MLX: variants seen among roughly 807,000 people sequenced by gnomAD.
MLX encodes max-like protein X.
MLX carries 15 observed loss-of-function variants against 33.0 expected under a neutral mutation model. The ratio of observed to expected loss-of-function variants is 0.45; its 90% CI spans 0.30 to 0.70. The LOEUF (loss-of-function observed/expected upper bound fraction) is 0.70, where lower values mean the gene tolerates loss of function less well. Among genes scored for constraint, MLX ranks in the 30% least tolerant of loss-of-function variants. The pLI, the probability that MLX is intolerant of heterozygous loss-of-function variation, is 0.07. For missense variants in MLX, 285 were observed against 306.3 expected, an observed-to-expected ratio of 0.93 and a Z score of 0.52; for synonymous variants, 115 against 115.6, an observed-to-expected ratio of 0.99 and a Z score of 0.03.
At position 42,567,102 on chromosome 17, in the gene MLX, G is replaced by C; in HGVS notation, c.-23G>C. 8.1e-7 allele frequency: 1 copy of C among 1,240,244 alleles called. No homozygotes were observed. Among genetic ancestry groups the C allele is most frequent in the South Asian group, 3.9e-5 (1 of 25,622 alleles). The allele number at this position is 1,240,244 out of a possible 1,614,324, so 76.8% of individuals were successfully genotyped here. On this transcript the variant is annotated 5_prime_UTR_variant, in exon 1 of 8. Coordinates refer to ENST00000435881, the MANE Select transcript of MLX (RefSeq NM_198204.2). ...CCGCAGGGGGCCCGCCCGCTGGCCC[G>C]TTTCCGGTCCGGTGGGTACAAGATG...
At position 42,573,110 on chromosome 17, in the gene MLX, G is replaced by T. The variant is rs1391331865; in HGVS notation, c.*1507G>T. On this transcript the variant is annotated 3_prime_UTR_variant, in exon 8 of 8. Coordinates refer to ENST00000435881, the MANE Select transcript of MLX (RefSeq NM_198204.2). ...GAAGGAAGAGAGCTCCACTTACAAAGAACTGCTTCTTGCTCTTGGGGTATC... is the reference window on the plus strand; with the variant it reads ...GAAGGAAGAGAGCTCCACTTACAAATAACTGCTTCTTGCTCTTGGGGTATC... The T allele has an allele frequency of 1.2e-6, 2 of 1,614,242 alleles. No homozygotes were observed. Among genetic ancestry groups the T allele is most frequent in the Non-Finnish European group, 1.7e-6 (2 of 1,180,030 alleles).
chr17:42,569,908 C>T (rs372732730), intron 6 of MLX, 74 bp from the exon 7 acceptor site: 3 of 1,414,848 alleles, frequency 2.1e-6, no homozygotes, highest in Non-Finnish European at 3.0e-6. Context: ...TGGGAGTACA[C>T]AGGATAGTCC....
At chr17:42,569,095 C>T in intron 4 of MLX, 109 bp from the exon 5 acceptor site, 2 of 1,293,888 alleles carry the variant, frequency 1.5e-6, no homozygotes, top group African/African-American at 1.5e-5. Flanking sequence ...GCAGCCTTCC[C>T]ACCCCATTGA....
Position 42,569,912 on chromosome 17 carries a change from A to G in MLX, c.477-70A>G, listed in dbSNP as rs966059326. 4.9e-6 allele frequency: 7 copies of G among 1,435,842 alleles called. No individual in the cohort carries two copies. The African/African-American group carries it at 7.0e-5, about 14-fold the overall frequency. The allele number at this position is 1,435,842 out of a possible 1,614,324, so 88.9% of individuals were successfully genotyped here. On this transcript the variant is annotated intron_variant, in intron 6 of 7. Coordinates refer to ENST00000435881, the MANE Select transcript of MLX (RefSeq NM_198204.2). The stretch of plus-strand genomic sequence containing the variant: ...GCTGCCATTCCTGGGAGTACACAGG[A>G]TAGTCCCGTCATTCTTCTTGGGTGG...
rs755852891 is a variant in MLX, at chr17:42,569,288, A to G, written c.361A>G (p.Ile121Val). The G allele has an allele frequency of 6.2e-7, 1 of 1,614,098 alleles. No homozygotes were observed. The highest frequency in any genetic ancestry group is 1.1e-5 in the South Asian group (1 of 91,086). Residue 121 changes from isoleucine (I) to valine (V), a missense_variant, in exon 5 of 8, where the codon ATC (isoleucine) becomes GTC (valine). By Grantham distance (29) the Ile-to-Val change is conservative. Coordinates refer to ENST00000435881, the MANE Select transcript of MLX (RefSeq NM_198204.2). ...TGGCTCCCAAAAGCTCAGCAAAGCC[A>G]TCGTTCTACAAAAGAGTATGGCTAG... ...SIGSQKLSKA[I>V]VLQKTIDYIQ...
At position 42,573,053 on chromosome 17, in the gene MLX, A is replaced by T. The variant is rs374180443; in HGVS notation, c.*1450A>T. 2 of 1,614,172 alleles carry T rather than the reference A, an allele frequency of 1.2e-6. No homozygotes were observed. Among genetic ancestry groups the T allele is most frequent in the Admixed American group, 1.7e-5 (1 of 60,024 alleles). ...TGAGACAGGGAGACAAGTGAATGAG[A>T]TGTCACCAGGATAAGACCACAGGGA... On this transcript the variant is annotated 3_prime_UTR_variant, in exon 8 of 8. Transcript: ENST00000435881.
chr17:42,571,881 T>C lies in MLX; in HGVS notation c.*278T>C, dbSNP rs779120196. The stretch of plus-strand genomic sequence containing the variant: ...AAGTCCTTGGGATGGGCGTCTGCTC[T>C]GGACACCCCAAAGAGCTCCTGCCCT... On this transcript the variant is annotated 3_prime_UTR_variant, in exon 8 of 8. Coordinates refer to ENST00000435881, the MANE Select transcript of MLX (RefSeq NM_198204.2). 2 of 474,872 alleles carry C rather than the reference T, an allele frequency of 4.2e-6. No individual in the cohort carries two copies. The highest frequency in any genetic ancestry group is 7.7e-6 in the Non-Finnish European group (2 of 260,882). 29.4% of individuals were successfully genotyped at this position (474,872 alleles called of 1,614,324 possible). A position where few individuals can be genotyped will look rare whatever the true frequency, so the allele number is the denominator to read the frequency against.
At chr17:42,567,520 T>C (rs896177937) in intron 1 of MLX, 99 bp from the exon 2 acceptor site, 2 of 1,587,314 alleles carry the variant, frequency 1.3e-6, no homozygotes, top group African/African-American at 2.7e-5. Context: ...AGAGGCGCCT[T>C]CCCGGAATGG....
At position 42,573,097 on chromosome 17, in the gene MLX, C is replaced by T. The variant is rs753397162; in HGVS notation, c.*1494C>T. 1 of 1,614,220 alleles carries T rather than the reference C, an allele frequency of 6.2e-7. No homozygotes were observed. Among genetic ancestry groups the T allele is most frequent in the Admixed American group, 1.7e-5 (1 of 60,022 alleles). Reference sequence around the variant, plus strand: ...ACAGGGAAGCAAAGAAGGAAGAGAGCTCCACTTACAAAGAACTGCTTCTTG... The same window carrying T: ...ACAGGGAAGCAAAGAAGGAAGAGAGTTCCACTTACAAAGAACTGCTTCTTG... On this transcript the variant is annotated 3_prime_UTR_variant, in exon 8 of 8. Coordinates refer to ENST00000435881, the MANE Select transcript of MLX (RefSeq NM_198204.2).
At chr17:42,567,692 C>T in intron 2 of MLX, 37 bp downstream of exon 2, 1 of 1,613,828 alleles carries the variant, frequency 6.2e-7, no homozygotes, top group Non-Finnish European at 8.5e-7. Context: ...TAGAGGGACA[C>T]TCCCGCCCAG....
At position 42,570,162 on chromosome 17, in the gene MLX, C is replaced by T. The variant is rs775956555; in HGVS notation, c.657C>T (p.Ile219=). The T allele has an allele frequency of 6.8e-6, 11 of 1,613,764 alleles. No individual in the cohort carries two copies. The highest frequency in any genetic ancestry group is 5.5e-5 in the South Asian group (5 of 91,054). ...QELSACVFSW[I]EEHCKPQTLR... ...TGTCAGCGTGTGTCTTCAGCTGGAT[C>T]GAGGAGCACTGTAAGCCTCAGGTAT... Residue 219 remains isoleucine (I), a synonymous_variant, in exon 7 of 8, where the codon ATC becomes ATT. Coordinates refer to ENST00000435881, the MANE Select transcript of MLX (RefSeq NM_198204.2).
chr17:42,569,361 G>C (rs556331152), intron 5 of MLX, 58 bp downstream of exon 5: 161 of 1,561,882 alleles, frequency 1.0e-4, no homozygotes, highest in Admixed American at 1.5e-4. Flanking sequence ...GAAGAGGCCA[G>C]TGCCTCCTAC....
Position 42,568,453 on chromosome 17 carries a change from G to A in MLX, c.80-17G>A. 6.2e-7 allele frequency: 1 copy of A among 1,606,004 alleles called. No homozygotes were observed. Among genetic ancestry groups the A allele is most frequent in the East Asian group, 2.2e-5 (1 of 44,790 alleles). On this transcript the variant is annotated splice_polypyrimidine_tract_variant and intron_variant, in intron 2 of 7. Coordinates refer to ENST00000435881, the MANE Select transcript of MLX (RefSeq NM_198204.2). ...TCCCCACCCCACCCCTTAGTGATTG[G>A]GGCCTCTCTTTTCCAGGGCTTTTTG...
At chr17:42,568,318 G>A (rs532637135) in intron 2 of MLX, 152 bp from the exon 3 acceptor site, 7 of 430,596 alleles carry the variant, frequency 1.6e-5, no homozygotes, top group Non-Finnish European at 3.0e-5. Context: ...AGCCGAGATC[G>A]CGCCACTGCA....
intron 7 of MLX, among the ~76,000 whole-genome samples, chr17:42,571,167 TCA>T (rs1245356568): frequency 1.4e-5 from 2 of 147,136 alleles, no homozygotes; most frequent in East Asian, 4.1e-4. Context: ...AGACGGAGTC[TCA>T]CTCTGTCACC....
In MLX at chr17:42,568,889, C is replaced by G; in HGVS notation, c.222C>G (p.Asp74Glu). 1 of 1,611,742 alleles carries G rather than the reference C, an allele frequency of 6.2e-7. No homozygotes were observed. The highest frequency in any genetic ancestry group is 8.5e-7 in the Non-Finnish European group (1 of 1,178,862). ...HQEAYKESYK[D>E]RRRRAHTQAE... ...AGGCCTACAAGGAGTCCTACAAAGA[C>G]CGGCGGCGGCGCGCACACACTCAGG... The change falls in exon 4 of 8, where the codon GAC becomes GAG. Residue 74 changes from aspartate to glutamate, a missense_variant. Physicochemically the swap from Asp to Glu is conservative, Grantham distance 45. Coordinates refer to ENST00000435881, the MANE Select transcript of MLX (RefSeq NM_198204.2).
chr17:42,569,148 C>T (rs2093020901), intron 4 of MLX, 56 bp from the exon 5 acceptor site: 1 of 1,526,360 alleles, frequency 6.6e-7, no homozygotes, highest in Admixed American at 1.7e-5. Flanking sequence ...AACTTTGTGC[C>T]ATTTTGCTTT....
At chr17:42,570,906 C>T (rs769798966) in intron 7 of MLX, among the ~76,000 whole-genome samples, 23 of 152,174 alleles carry the variant, frequency 1.5e-4, no homozygotes, top group Non-Finnish European at 2.8e-4. Flanking sequence ...CCACCCGCCT[C>T]GGCCTCCCAA....
At chr17:42,571,513 C>T (rs1400740066) in intron 7 of MLX, 34 bp from the exon 8 acceptor site, 7 of 1,608,254 alleles carry the variant, frequency 4.4e-6, no homozygotes, top group African/African-American at 1.3e-5. Flanking sequence ...TTGACTTGGG[C>T]ATTGTCTATT....
Sources: allele counts gnomAD v4.1 joint callset (sites outside exome capture counted in the v4.1 genomes callset), GRCh38; gene constraint gnomAD v4.1.1; transcripts MANE v1.5; gene names NCBI Gene and HGNC (gene_info 2026-07-23, HGNC 2026-07-21).